Variants in CAMTA1 observed in about 807,000 individuals in gnomAD.
CAMTA1 encodes calmodulin binding transcription activator 1, also known as calmodulin-binding transcription activator 1.
A neutral mutation model predicts 170.9 loss-of-function variants in CAMTA1; 27 were observed. The ratio of observed to expected loss-of-function variants is 0.16; its 90% CI spans 0.12 to 0.22. The LOEUF (loss-of-function observed/expected upper bound fraction) is 0.22. Among genes scored for constraint, CAMTA1 ranks in the 10% least tolerant of loss-of-function variants. The pLI, the probability that CAMTA1 is intolerant of heterozygous loss-of-function variation, is 1.00. For synonymous variants in CAMTA1, 833 were observed against 891.5 expected, an observed-to-expected ratio of 0.93 and a Z score of 1.17; for missense variants, 1,619 against 2,217.2, an observed-to-expected ratio of 0.73 and a Z score of 5.42.
rs1040705115 is a variant in CAMTA1, at chr1:7,748,944, A to G, written c.4689+1163A>G. Among the ~76,000 whole-genome samples, 38 of 152,192 alleles carry G rather than the reference A, an allele frequency of 2.5e-4. No homozygotes were observed. Among genetic ancestry groups the G allele is most frequent in the Non-Finnish European group, 3.7e-4 (25 of 68,022 alleles). On this transcript the variant is annotated intron_variant, in intron 19 of 22. Coordinates refer to ENST00000303635, the MANE Select transcript of CAMTA1 (RefSeq NM_015215.4). This position sits in a 1 kb window ranked among gnomAD's most constrained non-coding sequence, Gnocchi z 4.7. ...AGGTGCCCCATCTCATTTCCTTTTT[A>G]CAATTATTTGAAGTAAGCAGTATTT...
At chr1:7,458,298 T>G (rs1460539384) in intron 5 of CAMTA1, among the ~76,000 whole-genome samples, 1 of 152,106 alleles carries the variant, frequency 6.6e-6, no homozygotes, top group Non-Finnish European at 1.5e-5. Context: ...GATTCTAGCT[T>G]TATCATGCCC....
chr1:6,953,409 G>C (rs559154631), intron 3 of CAMTA1, among the ~76,000 whole-genome samples: 1 of 152,366 alleles, frequency 6.6e-6, no homozygotes, highest in South Asian at 2.1e-4. Flanking sequence ...CGCCGCGTGA[G>C]TCCCCTGGTA....
rs760810736 is a variant in CAMTA1 at position 7,670,895 on chromosome 1, T to G, written c.2653-16T>G. The G allele has an allele frequency of 3.0e-5, 49 of 1,613,198 alleles. No homozygotes were observed. The South Asian group carries it at 5.1e-4, about 17-fold the overall frequency. ...GGCTCACACTCCAACTCTGTTCCCCTCTCTGTTCTCTGCAGGGAGGAGTGA... is the reference window on the plus strand; with the variant it reads ...GGCTCACACTCCAACTCTGTTCCCCGCTCTGTTCTCTGCAGGGAGGAGTGA... On this transcript the variant is annotated splice_polypyrimidine_tract_variant and intron_variant, in intron 9 of 22. Coordinates refer to ENST00000303635, the MANE Select transcript of CAMTA1 (RefSeq NM_015215.4).
intron 3 of CAMTA1, among the ~76,000 whole-genome samples, chr1:6,903,995 CTT>C (rs532439907): frequency 1.2e-3 from 180 of 152,334 alleles, no homozygotes; most frequent in African/African-American, 4.1e-3. Context: ...ATTCCTCTCT[CTT>C]GAGTTCAAAC....
At chr1:7,015,256 G>A (rs761090220) in intron 3 of CAMTA1, among the ~76,000 whole-genome samples, 4 of 152,090 alleles carry the variant, frequency 2.6e-5, no homozygotes, top group Admixed American at 6.6e-5. Context: ...GCTAATGACC[G>A]GATTTCCTAC....
At chr1:7,018,377 G>C (rs939360996) in intron 3 of CAMTA1, among the ~76,000 whole-genome samples, 2 of 152,088 alleles carry the variant, frequency 1.3e-5, no homozygotes, top group African/African-American at 2.4e-5. Flanking sequence ...TATGATGTAG[G>C]GGTTGAATGT....
At chr1:7,228,325 G>A (rs1003701827) in intron 4 of CAMTA1, among the ~76,000 whole-genome samples, 6 of 152,208 alleles carry the variant, frequency 3.9e-5, no homozygotes, top group African/African-American at 1.2e-4. Flanking sequence ...GGACTCAGCC[G>A]GGCATGGTGG....
chr1:6,794,880 C>CTTTTTTTTTTTTTTTTTTTTTTTTT (rs1305335139), intron 1 of CAMTA1, among the ~76,000 whole-genome samples: 2 of 141,902 alleles, frequency 1.4e-5, no homozygotes, highest in Non-Finnish European at 3.1e-5. Flanking sequence ...TAGATAAAGG[C>CTTTTTTTTTTTTTTTTTTTTTTTTT]TTTTTTTTTG....
rs2149164012 is a variant in CAMTA1 at position 7,664,717 on chromosome 1, A to C, written c.2170A>C (p.Asn724His). Reference sequence around the variant, plus strand: ...TGAGCACTACCTGCAGCCGGAGACCAACGGGGTAATCCGAAGCGCCGGCGG... The same window carrying C: ...TGAGCACTACCTGCAGCCGGAGACCCACGGGGTAATCCGAAGCGCCGGCGG... ...SSEHYLQPET[N>H]GVIRSAGGVP... The change falls in exon 9 of 23, where the codon AAC (asparagine) becomes CAC (histidine). Residue 724 changes from asparagine (N) to histidine (H), a missense_variant. Physicochemically the swap from Asn to His is moderately conservative, Grantham distance 68. Coordinates refer to ENST00000303635, the MANE Select transcript of CAMTA1 (RefSeq NM_015215.4). 1 of 1,608,748 alleles carries C rather than the reference A, an allele frequency of 6.2e-7. No homozygotes were observed. Among genetic ancestry groups the C allele is most frequent in the East Asian group, 2.2e-5 (1 of 44,696 alleles).
rs777566151 is a variant in CAMTA1 at position 7,751,325 on chromosome 1, A to G, written c.4816A>G (p.Ser1606Gly). The change falls in exon 20 of 23, where the codon AGT becomes GGT. Residue 1606 changes from serine (S) to glycine (G), a missense_variant. By Grantham distance (56) the Ser-to-Gly change is moderately conservative. Transcript: ENST00000303635. ...AAVLIQKYYRSYKKCGKRRQA... is the reference protein window; with the variant it reads ...AAVLIQKYYRGYKKCGKRRQA... The stretch of plus-strand genomic sequence containing the variant: ...TGTGCTCATCCAAAAGTACTACCGA[A>G]GTTATAAGAAATGTGGCAAAAGACG... 3 of 1,611,506 alleles carry G rather than the reference A, an allele frequency of 1.9e-6. No individual in the cohort carries two copies. The highest frequency in any genetic ancestry group is 1.7e-6 in the Non-Finnish European group (2 of 1,179,442).
intron 4 of CAMTA1, among the ~76,000 whole-genome samples, chr1:7,167,140 T>C (rs372330261): frequency 6.6e-6 from 1 of 152,306 alleles, no homozygotes; most frequent in East Asian, 1.9e-4. Flanking sequence ...TTATTTTTTA[T>C]GTTAGTGCTT....
Position 7,732,348 on chromosome 1 carries a change from G to C in CAMTA1, c.2915-100G>C, listed in dbSNP as rs1270706420. 8 of 986,540 alleles carry C rather than the reference G, an allele frequency of 8.1e-6. No homozygotes were observed. In the African/African-American group the frequency reaches 1.3e-4, roughly 16 times the overall value. 61.1% of individuals were successfully genotyped at this position (986,540 alleles called of 1,614,324 possible). A position where few individuals can be genotyped will look rare whatever the true frequency, so the allele number is the denominator to read the frequency against. ...GACCTCTCTGGTTTGGTGAAGTTAC[G>C]GACGGCATTTGGATGCTGGTCCCGC... On this transcript the variant is annotated intron_variant, in intron 11 of 22. Transcript: ENST00000303635. The surrounding 1 kb of genome is among the most constrained non-coding windows in gnomAD (Gnocchi z 4.1).
intron 5 of CAMTA1, among the ~76,000 whole-genome samples, chr1:7,401,505 T>C (rs572093641): frequency 6.6e-6 from 1 of 151,808 alleles, no homozygotes; most frequent in Non-Finnish European, 1.5e-5. Context: ...AAATTTAGAA[T>C]TAGTTTGTTC....
chr1:6,981,258 A>G (rs539752728), intron 3 of CAMTA1, among the ~76,000 whole-genome samples: 1 of 152,270 alleles, frequency 6.6e-6, no homozygotes. Context: ...CCAATAAAGG[A>G]TGTGGCCATT....
intron 5 of CAMTA1, among the ~76,000 whole-genome samples, chr1:7,354,969 A>AG (rs914583957): frequency 1.3e-5 from 2 of 152,060 alleles, no homozygotes; most frequent in East Asian, 3.9e-4. Flanking sequence ...AGGAAGGCTG[A>AG]GGGGGGTGGA....
At chr1:7,499,528 A>AGT (rs144491150) in intron 6 of CAMTA1, among the ~76,000 whole-genome samples, 7 of 50,760 alleles carry the variant, frequency 1.4e-4, no homozygotes, top group East Asian at 7.6e-4. Context: ...TATGTATATG[A>AGT]GTGTGTGTGT....
At chr1:6,939,670 C>T (rs1686079356) in intron 3 of CAMTA1, among the ~76,000 whole-genome samples, 1 of 149,978 alleles carries the variant, frequency 6.7e-6, no homozygotes, top group Non-Finnish European at 1.5e-5. Context: ...CTATTTATTC[C>T]CTGGGGCAGG....
chr1:6,839,863 G>A (rs1416631095), intron 3 of CAMTA1, among the ~76,000 whole-genome samples: 1 of 152,192 alleles, frequency 6.6e-6, no homozygotes, highest in Non-Finnish European at 1.5e-5. Context: ...AGCTGGGTGA[G>A]GTAGGTAAGG....
intron 3 of CAMTA1, among the ~76,000 whole-genome samples, chr1:6,938,104 C>G (rs1051777927): frequency 1.3e-5 from 2 of 152,160 alleles, no homozygotes; most frequent in African/African-American, 4.8e-5. Context: ...CATAGCCATA[C>G]CTTTTTATTT....
Sources: gnomAD v4.1 joint callset for allele counts (sites outside exome capture counted in the v4.1 genomes callset) on GRCh38, gnomAD v4.1.1 for gene constraint, Gnocchi (gnomAD v3.1) non-coding constraint, MANE v1.5 for transcripts, NCBI Gene and HGNC (gene_info 2026-07-23, HGNC 2026-07-21) for gene names.